SMG6: variants seen among roughly 807,000 people sequenced by gnomAD.
SMG6 encodes telomerase-binding protein EST1A.
A neutral mutation model predicts 142.2 loss-of-function variants in SMG6; 66 were observed. The observed-to-expected ratio is 0.46, with a 90% CI of 0.38 to 0.57. SMG6 has a LOEUF of 0.57. SMG6 is among the 20% of genes least tolerant of loss of function. SMG6 has a pLI of 0.00. For synonymous variants in SMG6, 779 were observed against 702.4 expected (o/e 1.11, Z -1.72); for missense variants, 1,793 against 1,832.0 (o/e 0.98, Z 0.39).
chr17:2,114,034 G>A (rs1159573183), intron 13 of SMG6, among the ~76,000 whole-genome samples: 1 of 152,102 alleles, frequency 6.6e-6, no homozygotes, highest in African/African-American at 2.4e-5. Context: ...TTGGGAGGCC[G>A]AGGCAGGCGG....
At chr17:2,293,470 TC>T (rs36113266) in intron 4 of SMG6, among the ~76,000 whole-genome samples, 85,931 of 151,674 alleles carry the variant, frequency 0.57, 25,577 homozygotes, top group East Asian at 0.75. Flanking sequence ...TTCTTTTTTT[TC>T]CCCCCTAATA....
At chr17:2,087,891 C>T in intron 13 of SMG6, 1 of 985,870 alleles carries the variant, frequency 1.0e-6, no homozygotes, top group Non-Finnish European at 1.2e-6. Flanking sequence ...CTTGTCGTTA[C>T]AGTGTGTGTC....
chr17:2,185,137 G>T (rs879348413), intron 12 of SMG6, among the ~76,000 whole-genome samples: 1 of 151,798 alleles, frequency 6.6e-6, no homozygotes. Context: ...ACATAGATAC[G>T]GACATCCCAC....
intron 1 of SMG6, among the ~76,000 whole-genome samples, chr17:2,302,518 G>A (rs926446029): frequency 6.6e-6 from 1 of 152,206 alleles, no homozygotes; most frequent in Non-Finnish European, 1.5e-5. Flanking sequence ...TCCAGCCTGG[G>A]CGACAGAGCT....
At chr17:2,302,831 G>A (rs2075313996) in intron 1 of SMG6, among the ~76,000 whole-genome samples, 1 of 152,114 alleles carries the variant, frequency 6.6e-6, no homozygotes, top group South Asian at 2.1e-4. Context: ...GATGGGGAAA[G>A]CTATTCCTAC....
intron 8 of SMG6, among the ~76,000 whole-genome samples, chr17:2,257,650 T>C (rs1170376682): frequency 6.6e-6 from 1 of 152,044 alleles, no homozygotes. Context: ...GCTCCTTAAA[T>C]GTGATGAGTA....
chr17:2,088,839 T>A (rs2068636611), intron 13 of SMG6: 1 of 985,390 alleles, frequency 1.0e-6, no homozygotes, highest in Non-Finnish European at 1.2e-6. Flanking sequence ...TGTCTTAACT[T>A]GGGGGGAATA....
chr17:2,143,627 T>C (rs2070559424), intron 13 of SMG6, among the ~76,000 whole-genome samples: 1 of 152,202 alleles, frequency 6.6e-6, no homozygotes, highest in South Asian at 2.1e-4. Flanking sequence ...TATGAGGTAA[T>C]GAAAATGTTC....
At chr17:2,124,885 T>C (rs1408952797) in intron 13 of SMG6, among the ~76,000 whole-genome samples, 1 of 152,204 alleles carries the variant, frequency 6.6e-6, no homozygotes, top group Non-Finnish European at 1.5e-5. Context: ...GAAAATGCAA[T>C]TGGGAGCACA....
intron 12 of SMG6, among the ~76,000 whole-genome samples, chr17:2,174,260 G>A (rs1324016176): frequency 6.6e-6 from 1 of 152,142 alleles, no homozygotes; most frequent in Non-Finnish European, 1.5e-5. Flanking sequence ...AATCATCCTG[G>A]AATCTCCCCA....
chr17:2,092,941 A>G (rs998838848), intron 13 of SMG6, among the ~76,000 whole-genome samples: 2 of 152,208 alleles, frequency 1.3e-5, no homozygotes, highest in Non-Finnish European at 2.9e-5. Context: ...CATGCCTGTA[A>G]TCGCAGCACT....
At chr17:2,187,381 T>C (rs2072022631) in intron 11 of SMG6, among the ~76,000 whole-genome samples, 1 of 152,196 alleles carries the variant, frequency 6.6e-6, no homozygotes, top group Non-Finnish European at 1.5e-5. Flanking sequence ...TTCCCCTTGC[T>C]ATAAAGAAAT....
Position 2,068,938 on chromosome 17 carries a change from G to A in SMG6, c.3682-7C>T, listed in dbSNP as rs1298306838. 6.2e-6 allele frequency: 10 copies of A among 1,613,600 alleles called. No homozygotes were observed. Among genetic ancestry groups the A allele is most frequent in the East Asian group, 2.2e-5 (1 of 44,880 alleles). On this transcript the variant is annotated splice_polypyrimidine_tract_variant and splice_region_variant and intron_variant, in intron 15 of 18. Coordinates refer to ENST00000263073, the MANE Select transcript of SMG6 (RefSeq NM_017575.5). The surrounding 1 kb of genome is among the most constrained non-coding windows in gnomAD (Gnocchi z 6.7). ...TGTGGTCCTCCAGGACAGCCTATGG[G>A]GACAGAGTGGTGAATGAGCCAGACA...
At chr17:2,178,385 A>C (rs2071709613) in intron 12 of SMG6, among the ~76,000 whole-genome samples, 1 of 152,218 alleles carries the variant, frequency 6.6e-6, no homozygotes. Flanking sequence ...GGTGACCCCT[A>C]AAGAGACCAG....
intron 7 of SMG6, among the ~76,000 whole-genome samples, 186 bp downstream of exon 7, chr17:2,283,439 A>G (rs1405293961): frequency 6.6e-6 from 1 of 152,166 alleles, no homozygotes; most frequent in Non-Finnish European, 1.5e-5. Flanking sequence ...CCACCAGCAC[A>G]GTCTGATGGG....
intron 13 of SMG6, among the ~76,000 whole-genome samples, chr17:2,152,795 T>C (rs1428823811): frequency 1.3e-5 from 2 of 152,162 alleles, no homozygotes; most frequent in South Asian, 4.1e-4. Context: ...TCTTATCACA[T>C]AAACCACCCG....
intron 13 of SMG6, among the ~76,000 whole-genome samples, chr17:2,127,009 C>T (rs1025755310): frequency 3.3e-5 from 5 of 151,774 alleles, no homozygotes; most frequent in African/African-American, 7.3e-5. Flanking sequence ...TGTGGTGGTA[C>T]GTGCTTGTGG....
chr17:2,138,865 G>A (rs1181066069), intron 13 of SMG6, among the ~76,000 whole-genome samples: 2 of 152,218 alleles, frequency 1.3e-5, no homozygotes, highest in Admixed American at 1.3e-4. Context: ...AGAGCAAGCT[G>A]TCAAAGGATA....
At chr17:2,065,249 G>A in intron 17 of SMG6, 95 bp from the exon 18 acceptor site, 1 of 1,154,570 alleles carries the variant, frequency 8.7e-7, no homozygotes, top group Non-Finnish European at 1.3e-6. Context: ...CCCTGGGCAG[G>A]GCCACCTCCC....
Sources: allele counts gnomAD v4.1 joint callset (sites outside exome capture counted in the v4.1 genomes callset), GRCh38; gene constraint gnomAD v4.1.1; non-coding constraint Gnocchi (gnomAD v3.1); transcripts MANE v1.5; gene names NCBI Gene and HGNC (gene_info 2026-07-23, HGNC 2026-07-21).